The following REDIC1 variants were observed in gnomAD, a reference collection of about 807,000 sequenced individuals.
The protein encoded by REDIC1 is HEI10 Interacting Protein 1.
At chr12:39,700,570 A>G in the REDIC1 span, among the ~76,000 whole-genome samples, 1 of 152,112 alleles carries the variant, frequency 6.6e-6, no homozygotes, top group African/African-American at 2.4e-5. Context: ...ATTCAGATTC[A>G]GGAAACAGAG....
chr12:39,720,761 G>C, the REDIC1 span: 1 of 1,538,490 alleles, frequency 6.5e-7, no homozygotes. Flanking sequence ...GCATGGTTTA[G>C]AGCAAAATTA....
At chr12:39,657,279 G>A in the REDIC1 span, among the ~76,000 whole-genome samples, 1 of 152,084 alleles carries the variant, frequency 6.6e-6, no homozygotes, top group Non-Finnish European at 1.5e-5. Context: ...TTGTACTGTA[G>A]GCAATACTGT....
the REDIC1 span, among the ~76,000 whole-genome samples, chr12:39,734,491 C>G: frequency 2.0e-5 from 3 of 152,002 alleles, no homozygotes; most frequent in Admixed American, 2.0e-4. Context: ...GCTTTTTCTT[C>G]CTGAAGTTTT....
At chr12:39,893,279 A>G in the REDIC1 span, among the ~76,000 whole-genome samples, 1 of 152,184 alleles carries the variant, frequency 6.6e-6, no homozygotes, top group Non-Finnish European at 1.5e-5. Flanking sequence ...AGAAAACAAA[A>G]CATTCCTTTA....
At chr12:39,700,079 G>C in the REDIC1 span, among the ~76,000 whole-genome samples, 1 of 152,190 alleles carries the variant, frequency 6.6e-6, no homozygotes, top group Non-Finnish European at 1.5e-5. Flanking sequence ...ACGGAACAAA[G>C]CTGGACGGAG....
the REDIC1 span, among the ~76,000 whole-genome samples, chr12:39,634,906 C>A: frequency 1.1e-3 from 173 of 152,192 alleles, no homozygotes; most frequent in Non-Finnish European, 2.0e-3. Context: ...GGGCTAATAT[C>A]CAGAATCTAC....
At chr12:39,754,364 A>AT in the REDIC1 span, 2 of 151,980 alleles carry the variant, frequency 1.3e-5, no homozygotes, top group Admixed American at 6.6e-5. Flanking sequence ...AATTCGTGGG[A>AT]TTTTCAAGGG....
the REDIC1 span, among the ~76,000 whole-genome samples, chr12:39,830,855 G>T: frequency 1.3e-5 from 2 of 152,164 alleles, no homozygotes; most frequent in Non-Finnish European, 2.9e-5. Flanking sequence ...TTTAAAAGAA[G>T]TAGGTATAGA....
chr12:39,829,985 T>C, the REDIC1 span: 2 of 1,230,540 alleles, frequency 1.6e-6, no homozygotes, highest in South Asian at 1.3e-5. Flanking sequence ...TGCAAAGTAA[T>C]GTAGTTATGA....
chr12:39,826,100 T>G, the REDIC1 span, among the ~76,000 whole-genome samples: 11 of 152,276 alleles, frequency 7.2e-5, no homozygotes, highest in African/African-American at 2.4e-4. Context: ...TATCTATACA[T>G]TTATATAAGC....
At chr12:39,819,263 G>C in the REDIC1 span, among the ~76,000 whole-genome samples, 1 of 151,944 alleles carries the variant, frequency 6.6e-6, no homozygotes, top group Non-Finnish European at 1.5e-5. Flanking sequence ...ATAAATTCAT[G>C]GTTTACAAAT....
the REDIC1 span, among the ~76,000 whole-genome samples, chr12:39,770,989 G>C: frequency 6.6e-6 from 1 of 152,056 alleles, no homozygotes; most frequent in Non-Finnish European, 1.5e-5. Flanking sequence ...GGATTTTCCT[G>C]GTACCTACCT....
chr12:39,891,316 T>A, the REDIC1 span, among the ~76,000 whole-genome samples: 1 of 151,670 alleles, frequency 6.6e-6, no homozygotes, highest in South Asian at 2.1e-4. Context: ...ACTCCTCCAC[T>A]GAACTCTCAG....
chr12:39,706,077 T>C, the REDIC1 span, among the ~76,000 whole-genome samples: 118,325 of 152,052 alleles, frequency 0.78, 47,055 homozygotes, highest in Non-Finnish European at 0.86. Context: ...AACCAAAAGA[T>C]GCCATAAAAA....
chr12:39,667,954 G>T, the REDIC1 span, among the ~76,000 whole-genome samples: 1 of 152,106 alleles, frequency 6.6e-6, no homozygotes, highest in African/African-American at 2.4e-5. Flanking sequence ...TTGGGCCTAT[G>T]TGTGTCTCTG....
the REDIC1 span, among the ~76,000 whole-genome samples, chr12:39,786,917 C>A: frequency 6.6e-6 from 1 of 152,204 alleles, no homozygotes. Context: ...CTTGGCATAG[C>A]AGTCATAATA....
chr12:39,767,415 A>T, the REDIC1 span, among the ~76,000 whole-genome samples: 2 of 152,052 alleles, frequency 1.3e-5, no homozygotes, highest in South Asian at 4.2e-4. Flanking sequence ...TTTAGAGCAC[A>T]GGCTGAATAG....
the REDIC1 span, among the ~76,000 whole-genome samples, chr12:39,687,143 T>A: frequency 1.3e-5 from 2 of 152,126 alleles, no homozygotes; most frequent in African/African-American, 4.8e-5. Flanking sequence ...AACTTTCCCT[T>A]ATCTTGTGTT....
At chr12:39,726,237 G>A in the REDIC1 span, among the ~76,000 whole-genome samples, 1 of 151,764 alleles carries the variant, frequency 6.6e-6, no homozygotes, top group Non-Finnish European at 1.5e-5. Flanking sequence ...AGGTATACAT[G>A]TGCCATGGTG....
Sources: gnomAD v4.1 joint callset for allele counts (sites outside exome capture counted in the v4.1 genomes callset) on GRCh38, gnomAD v4.1.1 for gene constraint, MANE v1.5 for transcripts, NCBI Gene and HGNC (gene_info 2026-07-23, HGNC 2026-07-21) for gene names.